SEMA5A: variants seen among roughly 807,000 people sequenced by gnomAD.
SEMA5A encodes semaphorin-5A.
In SEMA5A, 55 loss-of-function variants were observed where a neutral mutation model predicts 135.5. The ratio of observed to expected loss-of-function variants is 0.41; its 90% CI spans 0.33 to 0.51. SEMA5A has a LOEUF of 0.51. Ranked by LOEUF, SEMA5A falls within the 20% of genes least tolerant of loss-of-function variation. SEMA5A has a pLI of 0.37. For missense variants in SEMA5A, 1,290 were observed against 1,419.9 expected (o/e 0.91, Z 1.47); for synonymous variants, 580 against 546.5 (o/e 1.06, Z -0.85).
chr5:9,221,995 C>G (rs1048086517), intron 8 of SEMA5A, among the ~76,000 whole-genome samples: 5 of 152,122 alleles, frequency 3.3e-5, no homozygotes, highest in South Asian at 4.1e-4. Flanking sequence ...CCCTTTCTAC[C>G]ACAGGACGAT....
rs200767701 is a variant in SEMA5A at position 9,513,067 on chromosome 5, T to A, written c.-175+32517A>T. ...GAAATGAGATGCAAATATATATATA[T>A]AATATATATATATATATATGCAAGC... On this transcript the variant is annotated intron_variant, in intron 1 of 22. Coordinates refer to ENST00000382496, the MANE Select transcript of SEMA5A (RefSeq NM_003966.3). Among the ~76,000 whole-genome samples, 193 of 80,234 alleles carry A rather than the reference T, an allele frequency of 2.4e-3. 3 individuals are homozygous for A. In the East Asian group the frequency reaches 0.036, roughly 15 times the overall value. 52.6% of individuals were successfully genotyped at this position (80,234 alleles called of 152,430 possible). A position where few individuals can be genotyped will look rare whatever the true frequency, so the allele number is the denominator to read the frequency against.
At chr5:9,186,768 T>C (rs1480051034) in intron 11 of SEMA5A, among the ~76,000 whole-genome samples, 1 of 152,228 alleles carries the variant, frequency 6.6e-6, no homozygotes, top group Non-Finnish European at 1.5e-5. Context: ...TATAATCAAA[T>C]CACAGTAATT....
At chr5:9,527,398 TC>T (rs1350304944) in intron 1 of SEMA5A, among the ~76,000 whole-genome samples, 1 of 152,182 alleles carries the variant, frequency 6.6e-6, no homozygotes, top group Non-Finnish European at 1.5e-5. Context: ...TTTCCTACCA[TC>T]AAGAGATGTT....
intron 1 of SEMA5A, among the ~76,000 whole-genome samples, chr5:9,466,275 C>T (rs541351108): frequency 8.6e-5 from 13 of 150,910 alleles, no homozygotes; most frequent in African/African-American, 2.2e-4. Flanking sequence ...TGCTAAATGA[C>T]GAGTTACTGG....
intron 2 of SEMA5A, among the ~76,000 whole-genome samples, chr5:9,414,237 T>A (rs546780327): frequency 2.0e-5 from 3 of 152,384 alleles, no homozygotes; most frequent in African/African-American, 7.2e-5. Flanking sequence ...AACATTAATT[T>A]CATTTACAAT....
At chr5:9,066,822 C>T (rs1354033230) in intron 16 of SEMA5A, among the ~76,000 whole-genome samples, 176 bp from the exon 17 acceptor site, 1 of 152,094 alleles carries the variant, frequency 6.6e-6, no homozygotes, top group Non-Finnish European at 1.5e-5. Context: ...CAACAGAATG[C>T]TCAGTGTTCA....
chr5:9,503,944 C>T (rs866497766), intron 1 of SEMA5A, among the ~76,000 whole-genome samples: 2 of 152,106 alleles, frequency 1.3e-5, no homozygotes, highest in Non-Finnish European at 2.9e-5. Flanking sequence ...CGGCTGGGCG[C>T]GGTGGCTCAT....
In SEMA5A at chr5:9,154,383, G is replaced by A. The variant is rs940150000; in HGVS notation, c.1481+105C>T. ...CAGGACTCTCAGAGGCATGAAGGGTGGCTCTGAGGCCATTCAACTTCAGGG... is the reference window on the plus strand; with the variant it reads ...CAGGACTCTCAGAGGCATGAAGGGTAGCTCTGAGGCCATTCAACTTCAGGG... On this transcript the variant is annotated intron_variant, in intron 12 of 22. Coordinates refer to ENST00000382496, the MANE Select transcript of SEMA5A (RefSeq NM_003966.3). The A allele has an allele frequency of 4.4e-6, 4 of 905,582 alleles. No individual in the cohort carries two copies. In the African/African-American group the frequency reaches 4.9e-5, roughly 11 times the overall value. The allele number at this position is 905,582 out of a possible 1,614,324, so 56.1% of individuals were successfully genotyped here.
intron 5 of SEMA5A, among the ~76,000 whole-genome samples, chr5:9,293,035 G>T (rs1337909951): frequency 5.3e-5 from 8 of 152,128 alleles, no homozygotes; most frequent in South Asian, 4.1e-4. Context: ...ATCCTTTCTT[G>T]TGGTCATCTC....
chr5:9,486,887 T>C (rs957450507), intron 1 of SEMA5A, among the ~76,000 whole-genome samples: 2 of 152,160 alleles, frequency 1.3e-5, no homozygotes, highest in Non-Finnish European at 1.5e-5. Context: ...AATAGAGTCA[T>C]CTTTTCAAAT....
At chr5:9,341,912 G>A (rs906604675) in intron 3 of SEMA5A, among the ~76,000 whole-genome samples, 3 of 151,552 alleles carry the variant, frequency 2.0e-5, no homozygotes, top group Non-Finnish European at 1.5e-5. Flanking sequence ...TGTGATTGGT[G>A]TATAAAATAT....
At chr5:9,134,288 C>T (rs561596518) in intron 13 of SEMA5A, among the ~76,000 whole-genome samples, 20 of 152,180 alleles carry the variant, frequency 1.3e-4, no homozygotes, top group African/African-American at 4.6e-4. Context: ...TGGAACTACA[C>T]GTATGCACCA....
intron 16 of SEMA5A, among the ~76,000 whole-genome samples, chr5:9,071,334 C>T (rs1049239363): frequency 3.3e-5 from 5 of 152,272 alleles, no homozygotes; most frequent in Admixed American, 1.3e-4. Flanking sequence ...TTCAGGCCCC[C>T]ATCACCATAG....
At chr5:9,511,508 G>A (rs1736204945) in intron 1 of SEMA5A, 1 of 152,152 alleles carries the variant, frequency 6.6e-6, no homozygotes, top group Non-Finnish European at 1.5e-5. Flanking sequence ...ATATCCTGGA[G>A]ACAGCAGTCT....
chr5:9,527,736 T>C (rs550616225), intron 1 of SEMA5A, among the ~76,000 whole-genome samples: 9 of 152,332 alleles, frequency 5.9e-5, no homozygotes, highest in African/African-American at 2.2e-4. Context: ...AGGTAGGAAC[T>C]ATTGCTATCA....
chr5:9,350,001 C>T (rs564709439), intron 3 of SEMA5A, among the ~76,000 whole-genome samples: 5 of 152,200 alleles, frequency 3.3e-5, no homozygotes, highest in Admixed American at 3.3e-4. Context: ...CTTCGAAATC[C>T]TTACACTTAC....
intron 4 of SEMA5A, among the ~76,000 whole-genome samples, chr5:9,323,502 T>A (rs1044718950): frequency 6.6e-6 from 1 of 152,098 alleles, no homozygotes; most frequent in African/African-American, 2.4e-5. Context: ...AAATTAAAAC[T>A]CCACTTATCA....
intron 12 of SEMA5A, among the ~76,000 whole-genome samples, chr5:9,138,778 C>T (rs1319943976): frequency 1.3e-5 from 2 of 152,132 alleles, no homozygotes. Flanking sequence ...GCCCCTGAGT[C>T]CCCAAAGTCC....
chr5:9,493,373 C>T (rs944352770), intron 1 of SEMA5A, among the ~76,000 whole-genome samples: 1 of 151,436 alleles, frequency 6.6e-6, no homozygotes, highest in Non-Finnish European at 1.5e-5. Flanking sequence ...GTTGTACAAT[C>T]CTACACTTAT....
Sources: allele counts gnomAD v4.1 joint callset (sites outside exome capture counted in the v4.1 genomes callset), GRCh38; gene constraint gnomAD v4.1.1; transcripts MANE v1.5; gene names NCBI Gene and HGNC (gene_info 2026-07-23, HGNC 2026-07-21).